ZBTB8B: variants seen among roughly 807,000 people sequenced by gnomAD.
ZBTB8B encodes zinc finger and BTB domain-containing protein 8B.
A neutral mutation model predicts 30.3 loss-of-function variants in ZBTB8B; 17 were observed. The observed-to-expected ratio is 0.56, with a 90% confidence interval of 0.38 to 0.84. The LOEUF (loss-of-function observed/expected upper bound fraction) is 0.84, where lower values mean the gene tolerates loss of function less well. ZBTB8B is among the 40% of genes least tolerant of loss of function. ZBTB8B has a pLI of 0.00. For missense variants in ZBTB8B, 515 were observed against 644.9 expected (o/e 0.80, Z 2.18); for synonymous variants, 248 against 255.6 (o/e 0.97, Z 0.28).
At position 32,493,029 on chromosome 1, in the gene ZBTB8B, A is replaced by T. The variant is rs1021254031; in HGVS notation, c.*7611A>T. On this transcript the variant is annotated 3_prime_UTR_variant, in exon 4 of 4. Coordinates refer to ENST00000609129, the MANE Select transcript of ZBTB8B (RefSeq NM_001145720.2). The stretch of plus-strand genomic sequence containing the variant: ...TGAAATTTATTGCCTTTTCTCAAAC[A>T]TGGTGGCTTTGGTCACTAACAGTGT... The T allele has an allele frequency of 6.6e-6, 1 of 152,234 alleles. No individual in the cohort carries two copies. Among genetic ancestry groups the T allele is most frequent in the Non-Finnish European group, 1.5e-5 (1 of 68,048 alleles). The allele number at this position is 152,234 out of a possible 1,614,324, so 9.4% of individuals were successfully genotyped here. A position where few individuals can be genotyped will look rare whatever the true frequency, so the allele number is the denominator to read the frequency against.
In ZBTB8B at chr1:32,491,936, T is replaced by C. The variant is rs1643782358; in HGVS notation, c.*6518T>C. ...TTTGCCAAACACTATGCTAAGCAAT[T>C]GCATAACAGATATTACACCTAATTC... is the stretch of plus-strand genomic sequence containing the variant. On this transcript the variant is annotated 3_prime_UTR_variant, in exon 4 of 4. Coordinates refer to ENST00000609129, the MANE Select transcript of ZBTB8B (RefSeq NM_001145720.2). 6.6e-6 allele frequency: 1 copy of C among 152,244 alleles called. No homozygotes were observed. The highest frequency in any genetic ancestry group is 6.5e-5 in the Admixed American group (1 of 15,282). 9.4% of individuals were successfully genotyped at this position (152,244 alleles called of 1,614,324 possible). A position where few individuals can be genotyped will look rare whatever the true frequency, so the allele number is the denominator to read the frequency against.
At position 32,488,609 on chromosome 1, in the gene ZBTB8B, A is replaced by C. The variant is rs1643760953; in HGVS notation, c.*3191A>C. 1 of 152,150 alleles carries C rather than the reference A, an allele frequency of 6.6e-6. No homozygotes were observed. Among genetic ancestry groups the C allele is most frequent in the Non-Finnish European group, 1.5e-5 (1 of 68,024 alleles). 9.4% of individuals were successfully genotyped at this position (152,150 alleles called of 1,614,324 possible). On this transcript the variant is annotated 3_prime_UTR_variant, in exon 4 of 4. Coordinates refer to ENST00000609129, the MANE Select transcript of ZBTB8B (RefSeq NM_001145720.2). ...GAAGCTGCCAAACATCCTGAAATGC[A>C]CAGGACAGTCCCCACAACAATGAAT...
rs189088282 is a variant in ZBTB8B at position 32,472,683 on chromosome 1, G to T, written c.991+1068G>T. ...GGCTGGAGTGCAACGGTGTGATCTC[G>T]GCTCACTGCAACCTCTGCCTCCCAG... On this transcript the variant is annotated intron_variant, in intron 2 of 3. Transcript: ENST00000609129. Among the ~76,000 whole-genome samples the T allele has an allele frequency of 3.4e-4, 51 of 152,092 alleles. No homozygotes were observed. In the South Asian group the frequency reaches 6.0e-3, roughly 18 times the overall value.
At position 32,486,990 on chromosome 1, in the gene ZBTB8B, G is replaced by A. The variant is rs1480737628; in HGVS notation, c.*1572G>A. ...GAACTCTTTAAAGGGCTAAAGGGCA[G>A]GCAGTGTTAGGAATTCGGAATGTAA... is the stretch of plus-strand genomic sequence containing the variant. On this transcript the variant is annotated 3_prime_UTR_variant, in exon 4 of 4. Coordinates refer to ENST00000609129, the MANE Select transcript of ZBTB8B (RefSeq NM_001145720.2). 6.6e-6 allele frequency: 1 copy of A among 152,188 alleles called. No homozygotes were observed. The highest frequency in any genetic ancestry group is 1.5e-5 in the Non-Finnish European group (1 of 68,032). The allele number at this position is 152,188 out of a possible 1,614,324, so 9.4% of individuals were successfully genotyped here. A position where few individuals can be genotyped will look rare whatever the true frequency, so the allele number is the denominator to read the frequency against.
rs1167304403 is a variant in ZBTB8B at position 32,470,781 on chromosome 1, C to G, written c.157C>G (p.Leu53Val). Residue 53 changes from leucine (L) to valine (V), a missense_variant, in exon 2 of 4, where the codon CTC (leucine) becomes GTC (valine). Transcript: ENST00000609129. ...FANSGYFRAL[L>V]IHYIQDSGRH... ...TAACAGCGGCTACTTCCGAGCCCTGCTCATTCACTATATCCAGGACAGCGG... is the reference window on the plus strand; with the variant it reads ...TAACAGCGGCTACTTCCGAGCCCTGGTCATTCACTATATCCAGGACAGCGG... 1.3e-6 allele frequency: 2 copies of G among 1,551,678 alleles called. No individual in the cohort carries two copies. The highest frequency in any genetic ancestry group is 2.7e-5 in the African/African-American group (2 of 73,046).
At chr1:32,475,505 G>A (rs537968386) in intron 2 of ZBTB8B, among the ~76,000 whole-genome samples, 2 of 152,286 alleles carry the variant, frequency 1.3e-5, no homozygotes, top group Admixed American at 1.3e-4. Flanking sequence ...AGAATTGCTT[G>A]AACCCGGAAG....
Position 32,492,559 on chromosome 1 carries a change from G to A in ZBTB8B, c.*7141G>A, listed in dbSNP as rs559143147. On this transcript the variant is annotated 3_prime_UTR_variant, in exon 4 of 4. Coordinates refer to ENST00000609129, the MANE Select transcript of ZBTB8B (RefSeq NM_001145720.2). ...AGGCAATCCGCCTCTGCCTCCCAAAGTGCTGGGATTACAGGCGTGAGTCAC... is the reference window on the plus strand; with the variant it reads ...AGGCAATCCGCCTCTGCCTCCCAAAATGCTGGGATTACAGGCGTGAGTCAC... The A allele has an allele frequency of 3.9e-4, 59 of 152,392 alleles. 1 individual carries two copies. The South Asian group carries it at 0.012, about 31-fold the overall frequency. 9.4% of individuals were successfully genotyped at this position (152,392 alleles called of 1,614,324 possible). A position where few individuals can be genotyped will look rare whatever the true frequency, so the allele number is the denominator to read the frequency against.
chr1:32,489,835 T>C lies in ZBTB8B; in HGVS notation c.*4417T>C, dbSNP rs376783784. On this transcript the variant is annotated 3_prime_UTR_variant, in exon 4 of 4. Transcript: ENST00000609129. ...TACCTATAATAATTAAGAAATGACATAGTGCATCATGATTCTGATCATTTG... is the reference window on the plus strand; with the variant it reads ...TACCTATAATAATTAAGAAATGACACAGTGCATCATGATTCTGATCATTTG... 4 of 152,168 alleles carry C rather than the reference T, an allele frequency of 2.6e-5. No individual in the cohort carries two copies. Among genetic ancestry groups the C allele is most frequent in the African/African-American group, 7.2e-5 (3 of 41,428 alleles). 9.4% of individuals were successfully genotyped at this position (152,168 alleles called of 1,614,324 possible).
In ZBTB8B at chr1:32,485,474, T is replaced by C. The variant is rs1218250543; in HGVS notation, c.*56T>C. The C allele has an allele frequency of 6.7e-7, 1 of 1,491,780 alleles. No homozygotes were observed. Among genetic ancestry groups the C allele is most frequent in the South Asian group, 1.3e-5 (1 of 77,318 alleles). The allele number at this position is 1,491,780 out of a possible 1,614,324, so 92.4% of individuals were successfully genotyped here. A position where few individuals can be genotyped will look rare whatever the true frequency, so the allele number is the denominator to read the frequency against. On this transcript the variant is annotated 3_prime_UTR_variant, in exon 4 of 4. Coordinates refer to ENST00000609129, the MANE Select transcript of ZBTB8B (RefSeq NM_001145720.2). ...AAACTTGTTAGTGCTCGTTCTGTTGTTGAAAGATACCATTTGTCCAATTTT... is the reference window on the plus strand; with the variant it reads ...AAACTTGTTAGTGCTCGTTCTGTTGCTGAAAGATACCATTTGTCCAATTTT...
chr1:32,474,676 G>A (rs1310276023), intron 2 of ZBTB8B, among the ~76,000 whole-genome samples: 1 of 152,226 alleles, frequency 6.6e-6, no homozygotes, highest in Non-Finnish European at 1.5e-5. Context: ...TCATTGCTGT[G>A]TGTATAATGG....
chr1:32,480,629 T>C (rs1643696914), intron 2 of ZBTB8B, among the ~76,000 whole-genome samples: 4 of 152,226 alleles, frequency 2.6e-5, no homozygotes, highest in Admixed American at 2.6e-4. Flanking sequence ...TTTCTGTCAG[T>C]CACACAGAAG....
chr1:32,471,488 C>A lies in ZBTB8B; in HGVS notation c.864C>A (p.Ser288Arg). 1 of 1,551,818 alleles carries A rather than the reference C, an allele frequency of 6.4e-7. No homozygotes were observed. Among genetic ancestry groups the A allele is most frequent in the Non-Finnish European group, 8.7e-7 (1 of 1,147,028 alleles). ...KQFLEALLRN[S>R]AAPSKDDADH... ...TCCTGGAGGCGCTCTTGCGCAACAGCGCTGCCCCGAGCAAGGATGATGCAG... is the reference window on the plus strand; with the variant it reads ...TCCTGGAGGCGCTCTTGCGCAACAGAGCTGCCCCGAGCAAGGATGATGCAG... Residue 288 changes from serine (S) to arginine (R), a missense_variant, in exon 2 of 4, where the codon AGC (serine) becomes AGA (arginine). Physicochemically the swap from Ser to Arg is moderately radical, Grantham distance 110 (BLOSUM62 -1). Coordinates refer to ENST00000609129, the MANE Select transcript of ZBTB8B (RefSeq NM_001145720.2).
rs139553894 is a variant in ZBTB8B at position 32,465,912 on chromosome 1, G to A, written c.-42+807G>A. On this transcript the variant is annotated intron_variant, in intron 1 of 3. Transcript: ENST00000609129. The surrounding 1 kb of genome is among the most constrained non-coding windows in gnomAD (Gnocchi z 4.1). Reference sequence around the variant, plus strand: ...TGTGCTTGTAAAAGCCAGGCATGGTGGCGCGCACCTGTAGTCCCTGCTACT... The same window carrying A: ...TGTGCTTGTAAAAGCCAGGCATGGTAGCGCGCACCTGTAGTCCCTGCTACT... Among the ~76,000 whole-genome samples, 1 of 152,288 alleles carries A rather than the reference G, an allele frequency of 6.6e-6. No homozygotes were observed. Among genetic ancestry groups the A allele is most frequent in the African/African-American group, 2.4e-5 (1 of 41,560 alleles).
chr1:32,476,006 C>G (rs537404276), intron 2 of ZBTB8B, among the ~76,000 whole-genome samples: 2 of 151,976 alleles, frequency 1.3e-5, no homozygotes, highest in South Asian at 4.2e-4. Context: ...TTCGTAGCAA[C>G]AGGGTTTCAC....
chr1:32,467,714 G>A (rs1643582478), intron 1 of ZBTB8B, among the ~76,000 whole-genome samples: 1 of 152,180 alleles, frequency 6.6e-6, no homozygotes, highest in African/African-American at 2.4e-5. Flanking sequence ...CAAAGGGCTT[G>A]TAGTTCATTG....
At position 32,471,429 on chromosome 1, in the gene ZBTB8B, G is replaced by A; in HGVS notation, c.805G>A (p.Asp269Asn). ...EEALPSGQAVDLAYSNYHVKQ... is the reference protein window; with the variant it reads ...EEALPSGQAVNLAYSNYHVKQ... The stretch of plus-strand genomic sequence containing the variant: ...GGCCTTGCCAAGCGGCCAGGCGGTT[G>A]ACTTGGCTTACAGCAACTACCACGT... The change falls in exon 2 of 4, where the codon GAC becomes AAC. Residue 269 changes from aspartate to asparagine, a missense_variant. This residue lies in a region of ZBTB8B where 429 missense variants were observed against 504.3 expected (regional missense o/e 0.85). Coordinates refer to ENST00000609129, the MANE Select transcript of ZBTB8B (RefSeq NM_001145720.2). The A allele has an allele frequency of 6.4e-7, 1 of 1,551,810 alleles. No individual in the cohort carries two copies. Among genetic ancestry groups the A allele is most frequent in the South Asian group, 1.2e-5 (1 of 84,056 alleles).
In ZBTB8B at chr1:32,481,068, G is replaced by A. The variant is rs550280368; in HGVS notation, c.1169G>A (p.Ser390Asn). 1.0e-5 allele frequency: 16 copies of A among 1,548,812 alleles called. No homozygotes were observed. The highest frequency in any genetic ancestry group is 1.4e-5 in the Non-Finnish European group (16 of 1,145,026). Reference protein sequence around the residue: ...RQEHLRSHALSVHRSNRPIIC... With the variant: ...RQEHLRSHALNVHRSNRPIIC... ...GAGCACCTGCGGAGCCACGCACTGA[G>A]TGTAAGTGTTCGAGCTGGCCATGCC... is the stretch of plus-strand genomic sequence containing the variant. The change falls in exon 3 of 4, where the codon AGT becomes AAT. Residue 390 changes from serine (S) to asparagine (N), a missense_variant and splice_region_variant. Physicochemically the swap from Ser to Asn is conservative, Grantham distance 46. Transcript: ENST00000609129.
intron 1 of ZBTB8B, among the ~76,000 whole-genome samples, chr1:32,468,904 T>C (rs931914426): frequency 1.3e-5 from 2 of 150,804 alleles, no homozygotes; most frequent in Non-Finnish European, 3.0e-5. Flanking sequence ...ATTGGGACAC[T>C]GGAGGCTGGG....
chr1:32,472,330 T>C (rs1183966320), intron 2 of ZBTB8B, among the ~76,000 whole-genome samples: 1 of 152,222 alleles, frequency 6.6e-6, no homozygotes, highest in Non-Finnish European at 1.5e-5. Flanking sequence ...TGAGTCTGTT[T>C]TGTCATCTGT....
Sources: gnomAD v4.1 joint callset for allele counts (sites outside exome capture counted in the v4.1 genomes callset) on GRCh38, gnomAD v4.1.1 for gene constraint, gnomAD v4.1.1 regional missense constraint, Gnocchi (gnomAD v3.1) non-coding constraint, MANE v1.5 for transcripts, NCBI Gene and HGNC (gene_info 2026-07-23, HGNC 2026-07-21) for gene names.